Variants in TYW1 observed in about 807,000 individuals in gnomAD.
TYW1 encodes S-adenosyl-L-methionine-dependent tRNA 4-demethylwyosine synthase TYW1.
TYW1 carries 46 observed loss-of-function variants against 96.2 expected under a neutral mutation model. The ratio of observed to expected loss-of-function variants is 0.48; its 90% CI spans 0.38 to 0.61. TYW1 has a LOEUF of 0.61. Ranked by LOEUF, TYW1 falls within the 20% of genes least tolerant of loss-of-function variation. The pLI is 0.00. For synonymous variants in TYW1, 274 were observed against 323.0 expected (o/e 0.85, Z 1.63); for missense variants, 684 against 909.6 (o/e 0.75, Z 3.19).
chr7:67,008,190 G>A (rs1166343313), intron 3 of TYW1, among the ~76,000 whole-genome samples: 2 of 152,194 alleles, frequency 1.3e-5, no homozygotes, highest in Non-Finnish European at 2.9e-5. Flanking sequence ...GCTATGGAGG[G>A]GTGGGGGTTG....
chr7:67,198,888 C>A (rs1247745729), intron 15 of TYW1, among the ~76,000 whole-genome samples: 1 of 152,146 alleles, frequency 6.6e-6, no homozygotes, highest in Non-Finnish European at 1.5e-5. Context: ...TCCCCCCTTC[C>A]CTTTCTTTTA....
intron 15 of TYW1, among the ~76,000 whole-genome samples, chr7:67,233,162 A>G (rs1319527944): frequency 1.9e-5 from 2 of 107,798 alleles, no homozygotes; most frequent in Non-Finnish European, 3.8e-5. Flanking sequence ...TGAAAGTCCA[A>G]TACTGTTTTC....
At chr7:67,181,092 G>A (rs1258227874) in intron 13 of TYW1, among the ~76,000 whole-genome samples, 1 of 152,004 alleles carries the variant, frequency 6.6e-6, no homozygotes, top group East Asian at 1.9e-4. Context: ...TTAAAAGCAG[G>A]GATGGCTTTT....
chr7:67,048,814 G>A (rs1176311553), intron 7 of TYW1, among the ~76,000 whole-genome samples: 1 of 152,200 alleles, frequency 6.6e-6, no homozygotes, highest in Non-Finnish European at 1.5e-5. Context: ...GTAGACATTG[G>A]CCAGCAGTTT....
At chr7:67,092,503 C>T (rs917722641) in intron 11 of TYW1, among the ~76,000 whole-genome samples, 17 of 152,042 alleles carry the variant, frequency 1.1e-4, no homozygotes, top group African/African-American at 3.4e-4. Context: ...AATGCTCTTC[C>T]GTCTTTGCCC....
intron 7 of TYW1, among the ~76,000 whole-genome samples, chr7:67,048,089 C>T (rs867371308): frequency 1.3e-5 from 1 of 78,362 alleles, no homozygotes; most frequent in Non-Finnish European, 2.4e-5. Context: ...TGCCCAGCCA[C>T]ATATGGGGGA....
In TYW1 at chr7:67,050,010, A is replaced by G; in HGVS notation, c.1046A>G (p.Asp349Gly). 6.2e-7 allele frequency: 1 copy of G among 1,614,138 alleles called. No homozygotes were observed. Among genetic ancestry groups the G allele is most frequent in the Non-Finnish European group, 8.5e-7 (1 of 1,180,006 alleles). ...GLFRNMGRNE[D>G]GERRAMITPA... ...TTCAGGAACATGGGGAGGAATGAAG[A>G]TGGTGAAAGAAGAGCTATGATAACT... Residue 349 changes from aspartate (D) to glycine (G), a missense_variant, in exon 8 of 16, where the codon GAT becomes GGT. By Grantham distance (94) the Asp-to-Gly change is moderately conservative. Transcript: ENST00000359626.
intron 8 of TYW1, among the ~76,000 whole-genome samples, chr7:67,055,607 A>AG (rs1295557295): frequency 1.3e-5 from 2 of 151,170 alleles, no homozygotes; most frequent in Non-Finnish European, 2.9e-5. Context: ...AAAAAAAAAA[A>AG]AAAAAGATCA....
intron 15 of TYW1, among the ~76,000 whole-genome samples, chr7:67,199,042 G>A (rs553056900): frequency 6.3e-4 from 96 of 152,006 alleles, no homozygotes; most frequent in African/African-American, 2.2e-3. Context: ...TTTAAAAATA[G>A]AAAAATTTCC....
chr7:67,163,590 A>G (rs1799228089), intron 13 of TYW1, among the ~76,000 whole-genome samples: 2 of 152,054 alleles, frequency 1.3e-5, no homozygotes, highest in Admixed American at 6.5e-5. Flanking sequence ...GTTGATGTGC[A>G]TGATCTTCTT....
rs111717856 is a variant in TYW1 at position 67,128,040 on chromosome 7, T to TA, written c.1698+10423dup. Among the ~76,000 whole-genome samples the TA allele has an allele frequency of 2.2e-3, 339 of 152,300 alleles. 2 individuals carry two copies. The highest frequency in any genetic ancestry group is 7.8e-3 in the African/African-American group (324 of 41,560). On this transcript the variant is annotated intron_variant, in intron 13 of 15. Coordinates refer to ENST00000359626, the MANE Select transcript of TYW1 (RefSeq NM_018264.4). ...TCTATAGTTTTTCTGACATTTATCC[T>TA]ACTTGGTGTTCTGGGAGCCTCCTGA...
chr7:67,143,902 T>G (rs1798525421), intron 13 of TYW1, among the ~76,000 whole-genome samples: 1 of 152,360 alleles, frequency 6.6e-6, no homozygotes, highest in South Asian at 2.1e-4. Flanking sequence ...GCTAATTTTT[T>G]GACTTAAAAC....
intron 15 of TYW1, among the ~76,000 whole-genome samples, chr7:67,197,124 A>G (rs543473986): frequency 1.3e-5 from 2 of 152,350 alleles, no homozygotes; most frequent in South Asian, 2.1e-4. Flanking sequence ...GAAAATGGGT[A>G]TATTGCTAGC....
chr7:67,138,102 C>G (rs992965339), intron 13 of TYW1, among the ~76,000 whole-genome samples: 1 of 152,064 alleles, frequency 6.6e-6, no homozygotes, highest in Non-Finnish European at 1.5e-5. Context: ...TTGCAGACAC[C>G]CCACACTTCA....
chr7:67,075,550 G>A (rs971271162), intron 10 of TYW1, among the ~76,000 whole-genome samples: 2 of 152,196 alleles, frequency 1.3e-5, no homozygotes, highest in African/African-American at 2.4e-5. Context: ...ATAAAAAGAG[G>A]TTAAGTACTG....
At chr7:67,119,166 C>A (rs182485290) in intron 13 of TYW1, among the ~76,000 whole-genome samples, 8 of 151,924 alleles carry the variant, frequency 5.3e-5, no homozygotes, top group Non-Finnish European at 1.0e-4. Flanking sequence ...CTTTTCTAAG[C>A]GTTCTTTATG....
intron 11 of TYW1, among the ~76,000 whole-genome samples, chr7:67,090,159 C>T (rs1796668968): frequency 6.6e-6 from 1 of 152,130 alleles, no homozygotes; most frequent in East Asian, 1.9e-4. Flanking sequence ...ACATACACAT[C>T]ATAAAGAAAA....
chr7:67,227,688 G>A (rs972809546), intron 15 of TYW1, among the ~76,000 whole-genome samples: 5 of 151,952 alleles, frequency 3.3e-5, no homozygotes, highest in Admixed American at 6.6e-5. Flanking sequence ...GTGTCTAGGT[G>A]ACTGAGCTGC....
At chr7:67,139,110 G>A (rs1315713024) in intron 13 of TYW1, among the ~76,000 whole-genome samples, 1 of 152,122 alleles carries the variant, frequency 6.6e-6, no homozygotes, top group African/African-American at 2.4e-5. Flanking sequence ...CTGGAGTGCA[G>A]TGGCCGATCT....
Sources: gnomAD v4.1 joint callset for allele counts (sites outside exome capture counted in the v4.1 genomes callset) on GRCh38, gnomAD v4.1.1 for gene constraint, MANE v1.5 for transcripts, NCBI Gene and HGNC (gene_info 2026-07-23, HGNC 2026-07-21) for gene names.